Variants in PLXNA1 observed in about 807,000 individuals in gnomAD.
The protein encoded by PLXNA1 is plexin A1.
PLXNA1 carries 77 observed loss-of-function variants against 191.7 expected under a neutral mutation model. That is an observed-to-expected ratio of 0.40 (90% CI 0.33 to 0.49). PLXNA1 has a LOEUF of 0.49. Among genes scored for constraint, PLXNA1 ranks in the 20% least tolerant of loss-of-function variants. The pLI is 0.63. For synonymous variants in PLXNA1, 1,137 were observed against 1,156.4 expected, an observed-to-expected ratio of 0.98 and a Z score of 0.34; for missense variants, 2,110 against 2,660.2, an observed-to-expected ratio of 0.79 and a Z score of 4.55.
At chr3:127,002,534 G>A (rs567579668) in intron 3 of PLXNA1, among the ~76,000 whole-genome samples, 3 of 152,336 alleles carry the variant, frequency 2.0e-5, no homozygotes, top group Admixed American at 6.5e-5. Flanking sequence ...CCTGCCCTGA[G>A]GTGGAAGTGG....
chr3:127,027,866 C>G, intron 23 of PLXNA1, 74 bp from the exon 24 acceptor site: 1 of 1,593,106 alleles, frequency 6.3e-7, no homozygotes, highest in Non-Finnish European at 8.5e-7. Flanking sequence ...ATGGCTGGCA[C>G]TCGACGGGTG....
intron 24 of PLXNA1, 28 bp downstream of exon 24, chr3:127,028,114 T>G (rs1157478613): frequency 1.2e-6 from 2 of 1,613,406 alleles, no homozygotes; most frequent in Middle Eastern, 1.6e-4. Flanking sequence ...CTGTCCTGGG[T>G]GCCCTGGTGC....
chr3:127,024,981 C>T (rs925912445), intron 23 of PLXNA1, among the ~76,000 whole-genome samples: 5 of 152,068 alleles, frequency 3.3e-5, no homozygotes, highest in East Asian at 1.9e-4. Context: ...CCCATGCGCC[C>T]GCTGCTCCCA....
Position 127,017,461 on chromosome 3 carries a change from C to T in PLXNA1, c.3313C>T (p.Arg1105Cys), listed in dbSNP as rs376747849. The T allele has an allele frequency of 1.4e-5, 22 of 1,613,156 alleles. No homozygotes were observed. Among genetic ancestry groups the T allele is most frequent in the South Asian group, 7.7e-5 (7 of 91,076 alleles). Residue 1105 changes from arginine (R) to cysteine (C), a missense_variant, in exon 18 of 32, where the codon CGC becomes TGC. By Grantham distance (180) the Arg-to-Cys change is radical (BLOSUM62 -3). Around this residue, in one of 4 missense-constraint regions of PLXNA1, gnomAD observed 644 missense variants for 714.3 expected, o/e 0.90. Coordinates refer to ENST00000393409, the MANE Select transcript of PLXNA1 (RefSeq NM_032242.4). ...GTACAATGACACCACCATGGTATGC[C>T]GCGCCCCGTCTGTGGCCAACCCTGT... ...LVYNDTTMVC[R>C]APSVANPVRS...
At chr3:127,005,562 T>G (rs2079062992) in intron 7 of PLXNA1, among the ~76,000 whole-genome samples, 1 of 152,170 alleles carries the variant, frequency 6.6e-6, no homozygotes. Context: ...TCCGCTACCA[T>G]AATTATTGCC....
intron 23 of PLXNA1, among the ~76,000 whole-genome samples, chr3:127,024,009 A>G (rs1428402425): frequency 6.6e-6 from 1 of 152,186 alleles, no homozygotes; most frequent in East Asian, 1.9e-4. Flanking sequence ...GTAGATGATA[A>G]CATCCTTAGG....
intron 4 of PLXNA1, 24 bp downstream of exon 4, chr3:127,003,494 G>T (rs764710823): frequency 6.4e-7 from 1 of 1,573,134 alleles, no homozygotes; most frequent in South Asian, 1.1e-5. Flanking sequence ...CAGTCAGACG[G>T]TGTGGCTGAA....
At chr3:127,016,339 G>A (rs2079123303) in intron 15 of PLXNA1, among the ~76,000 whole-genome samples, 178 bp from the exon 16 acceptor site, 1 of 152,158 alleles carries the variant, frequency 6.6e-6, no homozygotes, top group Non-Finnish European at 1.5e-5. Context: ...GGGAGCCAGG[G>A]CGAGGGTAGG....
rs2078972439 is a variant in PLXNA1, at chr3:126,988,585, C to T, written c.-9C>T. 2 of 1,484,444 alleles carry T rather than the reference C, an allele frequency of 1.3e-6. No homozygotes were observed. The highest frequency in any genetic ancestry group is 1.8e-6 in the Non-Finnish European group (2 of 1,121,490). The allele number at this position is 1,484,444 out of a possible 1,614,324, so 92.0% of individuals were successfully genotyped here. ...ACCAGAGCACCGAGGCCCAAGGCCC[C>T]AGCCTGCCATGCCGCTGCCACCGCG... On this transcript the variant is annotated 5_prime_UTR_variant, in exon 2 of 32. It introduces an in-frame stop codon into an upstream open reading frame of the 5' UTR. Coordinates refer to ENST00000393409, the MANE Select transcript of PLXNA1 (RefSeq NM_032242.4).
chr3:127,005,246 G>C lies in PLXNA1; in HGVS notation c.1897+3G>C, dbSNP rs751485086. 8.7e-6 allele frequency: 14 copies of C among 1,601,784 alleles called. No individual in the cohort carries two copies. Among genetic ancestry groups the C allele is most frequent in the Middle Eastern group, 1.7e-4 (1 of 6,028 alleles). Reference sequence around the variant, plus strand: ...GGCGCCCATCACGCGGGGCCAGGGTGAGTGGCCCCAACACAATGGTGCCCG... The same window carrying C: ...GGCGCCCATCACGCGGGGCCAGGGTCAGTGGCCCCAACACAATGGTGCCCG... On this transcript the variant is annotated splice_donor_region_variant and intron_variant, in intron 7 of 31. Coordinates refer to ENST00000393409, the MANE Select transcript of PLXNA1 (RefSeq NM_032242.4).
intron 3 of PLXNA1, among the ~76,000 whole-genome samples, chr3:126,992,268 C>A (rs1037490036): frequency 1.3e-5 from 2 of 152,082 alleles, no homozygotes; most frequent in Non-Finnish European, 2.9e-5. Flanking sequence ...GGGCACCAGG[C>A]TGGCCTGGTG....
At chr3:126,997,099 C>A (rs1457315191) in intron 3 of PLXNA1, among the ~76,000 whole-genome samples, 1 of 152,232 alleles carries the variant, frequency 6.6e-6, no homozygotes, top group East Asian at 1.9e-4. Context: ...CAAGACTCTT[C>A]CTTACTGTGG....
chr3:127,004,772 G>T (rs543225069), intron 5 of PLXNA1, 61 bp downstream of exon 5: 5 of 1,590,712 alleles, frequency 3.1e-6, no homozygotes, highest in Admixed American at 1.7e-5. Flanking sequence ...CACAGTGGGG[G>T]AGGGGGAGCC....
At position 126,988,693 on chromosome 3, in the gene PLXNA1, G is replaced by A; in HGVS notation, c.100G>A (p.Gly34Ser). ...MWAEAGLPRA[G>S]GGSQPPFRTF... The stretch of plus-strand genomic sequence containing the variant: ...GGCTGAGGCAGGCTTGCCCAGGGCA[G>A]GCGGGGGTTCACAGCCCCCCTTCCG... Residue 34 changes from glycine (G) to serine (S), a missense_variant, in exon 2 of 32, where the codon GGC becomes AGC. By Grantham distance (56) the Gly-to-Ser change is moderately conservative (BLOSUM62 0). Transcript: ENST00000393409. 1 of 1,575,024 alleles carries A rather than the reference G, an allele frequency of 6.3e-7. No homozygotes were observed. The highest frequency in any genetic ancestry group is 8.6e-7 in the Non-Finnish European group (1 of 1,158,740).
rs908972371 is a variant in PLXNA1, at chr3:127,036,610, C to G, written c.*2593C>G. On this transcript the variant is annotated 3_prime_UTR_variant, in exon 32 of 32. Coordinates refer to ENST00000393409, the MANE Select transcript of PLXNA1 (RefSeq NM_032242.4). ...CCCAGTCCCTACTTGTCACTGGTTC[C>G]CACTGTGCTCCTAACTGTGCAGCAC... The G allele has an allele frequency of 6.6e-6, 1 of 152,422 alleles. No homozygotes were observed. Among genetic ancestry groups the G allele is most frequent in the African/African-American group, 2.4e-5 (1 of 41,454 alleles). The allele number at this position is 152,422 out of a possible 1,614,324, so 9.4% of individuals were successfully genotyped here. A position where few individuals can be genotyped will look rare whatever the true frequency, so the allele number is the denominator to read the frequency against.
intron 19 of PLXNA1, among the ~76,000 whole-genome samples, 194 bp from the exon 20 acceptor site, chr3:127,018,100 A>AT (rs1229071318): frequency 6.6e-6 from 1 of 150,700 alleles, no homozygotes; most frequent in African/African-American, 2.4e-5. Flanking sequence ...AGCCCTTGCC[A>AT]TGCCAGTGGT....
At chr3:127,020,820 A>C (rs1177456542) in intron 21 of PLXNA1, among the ~76,000 whole-genome samples, 1 of 152,078 alleles carries the variant, frequency 6.6e-6, no homozygotes, top group Admixed American at 6.5e-5. Flanking sequence ...GTGTGCTGGG[A>C]GGTGCGGGTG....
intron 8 of PLXNA1, 106 bp downstream of exon 8, chr3:127,006,284 GC>G: frequency 1.2e-6 from 1 of 856,550 alleles, no homozygotes; most frequent in Non-Finnish European, 2.0e-6. Flanking sequence ...TCCTCATGTG[GC>G]CAGGCAGCAG....
In PLXNA1 at chr3:127,015,338, G is replaced by A. The variant is rs1381322001; in HGVS notation, c.3014+18G>A. ...TTCTCCTGGTACGGGGTGCAGGTGG[G>A]GGTGGGGGCCTGGCTGCCCCTCCTC... On this transcript the variant is annotated intron_variant, in intron 15 of 31. Coordinates refer to ENST00000393409, the MANE Select transcript of PLXNA1 (RefSeq NM_032242.4). The A allele has an allele frequency of 7.6e-6, 12 of 1,587,624 alleles. No homozygotes were observed. In the Admixed American group the frequency reaches 1.0e-4, roughly 14 times the overall value.
Sources: allele counts gnomAD v4.1 joint callset (sites outside exome capture counted in the v4.1 genomes callset), GRCh38; gene constraint gnomAD v4.1.1; regional missense constraint gnomAD v4.1.1; transcripts MANE v1.5; gene names NCBI Gene and HGNC (gene_info 2026-07-23, HGNC 2026-07-21).